The following PGCKA1 variants were observed in gnomAD, a reference collection of about 807,000 sequenced individuals.
PGCKA1 encodes the protein PDCD10 and GCKIII kinases associated 1.
the PGCKA1 span, among the ~76,000 whole-genome samples, chr4:37,510,157 A>G: frequency 6.6e-6 from 1 of 151,848 alleles, no homozygotes; most frequent in Non-Finnish European, 1.5e-5. Context: ...TAAAACAGCT[A>G]TTTTTAATTC....
At chr4:37,458,968 C>G in the PGCKA1 span, among the ~76,000 whole-genome samples, 8 of 152,114 alleles carry the variant, frequency 5.3e-5, no homozygotes, top group African/African-American at 1.9e-4. Context: ...GAGAACCAGA[C>G]ATGTTAGTCT....
chr4:37,569,251 G>A, the PGCKA1 span, among the ~76,000 whole-genome samples: 1 of 151,616 alleles, frequency 6.6e-6, no homozygotes, highest in East Asian at 1.9e-4. Context: ...AGGCTGGAGT[G>A]CAATGGCAAG....
At chr4:37,488,083 T>C in the PGCKA1 span, among the ~76,000 whole-genome samples, 2 of 152,204 alleles carry the variant, frequency 1.3e-5, no homozygotes, top group African/African-American at 4.8e-5. Flanking sequence ...CATAGAGTTG[T>C]TCCATAGCCT....
the PGCKA1 span, among the ~76,000 whole-genome samples, chr4:37,511,155 G>T: frequency 0.51 from 77,858 of 151,764 alleles, 20,321 homozygotes; most frequent in African/African-American, 0.6. Flanking sequence ...AAGAGCCAAG[G>T]CCTGGAATCA....
chr4:37,504,786 A>G, the PGCKA1 span, among the ~76,000 whole-genome samples: 1 of 152,158 alleles, frequency 6.6e-6, no homozygotes, highest in African/African-American at 2.4e-5. Flanking sequence ...CTGTAACTTT[A>G]CTGAATTTGT....
At chr4:37,486,752 T>A in the PGCKA1 span, among the ~76,000 whole-genome samples, 1 of 152,178 alleles carries the variant, frequency 6.6e-6, no homozygotes, top group Non-Finnish European at 1.5e-5. Flanking sequence ...ATATTTTCCT[T>A]CTTCTTGCTT....
chr4:37,487,800 G>T, the PGCKA1 span, among the ~76,000 whole-genome samples: 1 of 152,016 alleles, frequency 6.6e-6, no homozygotes, highest in Non-Finnish European at 1.5e-5. Context: ...CTTTGTGTAA[G>T]GCTTCTTTTA....
chr4:37,465,521 G>A, the PGCKA1 span, among the ~76,000 whole-genome samples: 1 of 152,126 alleles, frequency 6.6e-6, no homozygotes, highest in African/African-American at 2.4e-5. Flanking sequence ...ATGGCTTGGG[G>A]GGATGGTGTT....
chr4:37,572,331 G>T, the PGCKA1 span, among the ~76,000 whole-genome samples: 2 of 152,114 alleles, frequency 1.3e-5, no homozygotes, highest in African/African-American at 4.8e-5. Flanking sequence ...CTCCCAAAGT[G>T]CTGGGATTAC....
chr4:37,574,767 C>G, the PGCKA1 span, among the ~76,000 whole-genome samples: 1 of 151,776 alleles, frequency 6.6e-6, no homozygotes, highest in African/African-American at 2.4e-5. Context: ...CCCCAACTAT[C>G]CTTAACAGCT....
the PGCKA1 span, among the ~76,000 whole-genome samples, chr4:37,457,601 A>C: frequency 6.6e-6 from 1 of 152,226 alleles, no homozygotes; most frequent in Non-Finnish European, 1.5e-5. Context: ...ACTGAGTATC[A>C]TATATCTTGG....
At chr4:37,493,119 T>C in the PGCKA1 span, among the ~76,000 whole-genome samples, 1 of 152,330 alleles carries the variant, frequency 6.6e-6, no homozygotes, top group South Asian at 2.1e-4. Flanking sequence ...GATGTATGTA[T>C]GTATATACCT....
At chr4:37,522,345 C>T in the PGCKA1 span, among the ~76,000 whole-genome samples, 637 of 152,270 alleles carry the variant, frequency 4.2e-3, 13 homozygotes, top group Admixed American at 0.03. Flanking sequence ...AGGAGCCTCA[C>T]CCCATAGCCA....
chr4:37,495,247 G>A, the PGCKA1 span, among the ~76,000 whole-genome samples: 2 of 152,184 alleles, frequency 1.3e-5, no homozygotes, highest in African/African-American at 4.8e-5. Flanking sequence ...AAGCTGGAGA[G>A]GATGTGGAGA....
At chr4:37,521,585 G>A in the PGCKA1 span, among the ~76,000 whole-genome samples, 8 of 152,186 alleles carry the variant, frequency 5.3e-5, no homozygotes, top group African/African-American at 1.9e-4. Flanking sequence ...AATGTTTTAA[G>A]ACTCGTTTCA....
At chr4:37,538,783 A>G in the PGCKA1 span, among the ~76,000 whole-genome samples, 19,339 of 152,208 alleles carry the variant, frequency 0.13, 1,527 homozygotes, top group East Asian at 0.38. Flanking sequence ...TACTTACTTC[A>G]CAACAGAAAA....
chr4:37,562,494 G>T, the PGCKA1 span, among the ~76,000 whole-genome samples: 1 of 152,188 alleles, frequency 6.6e-6, no homozygotes, highest in Non-Finnish European at 1.5e-5. Context: ...AGAGACACTA[G>T]CAGGTATAGG....
chr4:37,520,484 G>A, the PGCKA1 span, among the ~76,000 whole-genome samples: 1 of 152,038 alleles, frequency 6.6e-6, no homozygotes, highest in Non-Finnish European at 1.5e-5. Flanking sequence ...TTCACTCTTG[G>A]TAGATTGTAT....
chr4:37,559,978 C>T, the PGCKA1 span, among the ~76,000 whole-genome samples: 1 of 152,158 alleles, frequency 6.6e-6, no homozygotes, highest in East Asian at 1.9e-4. Flanking sequence ...ATGCCATTGG[C>T]CTATTCTGTC....
Sources: gnomAD v4.1 joint callset for allele counts (sites outside exome capture counted in the v4.1 genomes callset) on GRCh38, gnomAD v4.1.1 for gene constraint, MANE v1.5 for transcripts, NCBI Gene and HGNC (gene_info 2026-07-23, HGNC 2026-07-21) for gene names.